IMMP2L: variants seen among roughly 807,000 people sequenced by gnomAD.
IMMP2L encodes the protein inner mitochondrial membrane peptidase subunit 2, also known as mitochondrial inner membrane protease subunit 2.
A neutral mutation model predicts 19.3 loss-of-function variants in IMMP2L; 18 were observed. The ratio of observed to expected loss-of-function variants is 0.93; its 90% CI spans 0.64 to 1.38. The LOEUF (loss-of-function observed/expected upper bound fraction) is 1.38. Ranked by LOEUF, IMMP2L falls within the 40% of genes most tolerant of loss-of-function variation. The pLI is 0.00. For synonymous variants in IMMP2L, 76 were observed against 73.0 expected (o/e 1.04, Z -0.21); for missense variants, 233 against 218.2 (o/e 1.07, Z -0.43).
chr7:110,730,646 T>G (rs1327242664), intron 5 of IMMP2L, among the ~76,000 whole-genome samples: 3 of 151,838 alleles, frequency 2.0e-5, no homozygotes, highest in Admixed American at 1.3e-4. Context: ...TGCTTCAGCC[T>G]CCCCAGCAGC....
intron 3 of IMMP2L, among the ~76,000 whole-genome samples, chr7:111,337,335 A>G (rs960651320): frequency 6.6e-6 from 1 of 152,162 alleles, no homozygotes; most frequent in African/African-American, 2.4e-5. Context: ...AGAATAGCCA[A>G]TAATAGAAAT....
chr7:110,779,899 A>C (rs1396520826), intron 5 of IMMP2L, among the ~76,000 whole-genome samples: 1 of 151,896 alleles, frequency 6.6e-6, no homozygotes, highest in African/African-American at 2.4e-5. Context: ...AAGTTAGTAA[A>C]GGATCTGGAC....
intron 5 of IMMP2L, among the ~76,000 whole-genome samples, chr7:110,844,377 G>C (rs913191167): frequency 6.6e-6 from 1 of 151,986 alleles, no homozygotes; most frequent in Admixed American, 6.6e-5. Flanking sequence ...ATCTTGTAAG[G>C]ACATAAGAGA....
At chr7:111,481,844 G>C (rs140025943) in intron 3 of IMMP2L, among the ~76,000 whole-genome samples, 42 of 152,214 alleles carry the variant, frequency 2.8e-4, no homozygotes, top group Non-Finnish European at 4.6e-4. Context: ...TTATCAAATA[G>C]AAATAAAATG....
At chr7:110,671,424 T>G (rs1791911267) in intron 5 of IMMP2L, among the ~76,000 whole-genome samples, 1 of 152,252 alleles carries the variant, frequency 6.6e-6, no homozygotes, top group South Asian at 2.1e-4. Flanking sequence ...ATATTCCTGC[T>G]TCCCACTTTA....
At chr7:111,327,871 A>G (rs1825481271) in intron 3 of IMMP2L, among the ~76,000 whole-genome samples, 1 of 151,574 alleles carries the variant, frequency 6.6e-6, no homozygotes, top group African/African-American at 2.4e-5. Context: ...ATGTGTCAAA[A>G]GGCTCCTGAT....
chr7:111,058,984 A>G (rs1220700459), intron 3 of IMMP2L, among the ~76,000 whole-genome samples: 1 of 148,848 alleles, frequency 6.7e-6, no homozygotes, highest in African/African-American at 2.5e-5. Flanking sequence ...CTTTTTATTT[A>G]TTTATTTATT....
At chr7:111,468,233 A>G (rs1283866432) in intron 3 of IMMP2L, among the ~76,000 whole-genome samples, 1 of 152,194 alleles carries the variant, frequency 6.6e-6, no homozygotes, top group Non-Finnish European at 1.5e-5. Flanking sequence ...TATAGAAAGC[A>G]TATGTGTAAA....
At chr7:111,293,919 T>C (rs2129763085) in intron 3 of IMMP2L, among the ~76,000 whole-genome samples, 2 of 152,102 alleles carry the variant, frequency 1.3e-5, no homozygotes, top group Middle Eastern at 6.8e-3. Context: ...CCTATTCTGA[T>C]CATGCAATCA....
chr7:111,257,979 T>C (rs186786157), intron 3 of IMMP2L, among the ~76,000 whole-genome samples: 4 of 151,740 alleles, frequency 2.6e-5, no homozygotes, highest in Admixed American at 2.6e-4. Flanking sequence ...CCCCTCCCTG[T>C]GTCTATGTGT....
chr7:111,151,444 G>A (rs1211989971), intron 3 of IMMP2L, among the ~76,000 whole-genome samples: 1 of 152,098 alleles, frequency 6.6e-6, no homozygotes, highest in Non-Finnish European at 1.5e-5. Context: ...TAATGAGAGA[G>A]GGGGAGGAAG....
intron 3 of IMMP2L, among the ~76,000 whole-genome samples, chr7:111,345,378 T>C (rs541762453): frequency 5.9e-5 from 9 of 152,132 alleles, no homozygotes; most frequent in African/African-American, 1.4e-4. Context: ...AAGCAGCTGT[T>C]TGCAATAAGC....
chr7:110,949,925 G>A (rs1219425121), intron 4 of IMMP2L, among the ~76,000 whole-genome samples: 1 of 151,992 alleles, frequency 6.6e-6, no homozygotes, highest in Non-Finnish European at 1.5e-5. Flanking sequence ...TAAGAAACAA[G>A]CACATATACC....
chr7:110,939,349 T>G (rs1239069163), intron 4 of IMMP2L, among the ~76,000 whole-genome samples: 1 of 144,976 alleles, frequency 6.9e-6, no homozygotes, highest in Non-Finnish European at 1.5e-5. Context: ...CTTCCATGTT[T>G]GGCCAGATTT....
At chr7:111,554,814 A>G (rs1037195713) in intron 1 of IMMP2L, among the ~76,000 whole-genome samples, 4 of 151,940 alleles carry the variant, frequency 2.6e-5, no homozygotes, top group African/African-American at 9.7e-5. Flanking sequence ...GGGTTTTGCC[A>G]TATTGGCCAG....
chr7:111,055,315 T>C lies in IMMP2L; in HGVS notation c.240-91750A>G, dbSNP rs372250142. On this transcript the variant is annotated intron_variant, in intron 3 of 5. Coordinates refer to ENST00000405709, the MANE Select transcript of IMMP2L (RefSeq NM_032549.4). ...TGCTCAGCCTCCCAAAGTGCTAAGA[T>C]TATAGGCGTGAGCCACCACGCTCAG... Among the ~76,000 whole-genome samples the C allele has an allele frequency of 3.3e-5, 5 of 152,220 alleles. No individual in the cohort carries two copies. In the South Asian group the frequency reaches 6.2e-4, roughly 19 times the overall value.
intron 3 of IMMP2L, among the ~76,000 whole-genome samples, chr7:111,214,110 A>G (rs1811628657): frequency 6.6e-6 from 1 of 152,050 alleles, no homozygotes; most frequent in South Asian, 2.1e-4. Flanking sequence ...ATAAAACTTC[A>G]TCATCTGTTC....
intron 3 of IMMP2L, among the ~76,000 whole-genome samples, chr7:111,453,464 A>G (rs1331291030): frequency 3.3e-5 from 5 of 152,180 alleles, no homozygotes; most frequent in Non-Finnish European, 7.3e-5. Context: ...TTGTGAAGCT[A>G]TTTAACAAAT....
At chr7:110,767,312 G>A (rs976158566) in intron 5 of IMMP2L, among the ~76,000 whole-genome samples, 3 of 152,076 alleles carry the variant, frequency 2.0e-5, no homozygotes, top group African/African-American at 7.2e-5. Flanking sequence ...TGGGAGAAAC[G>A]ATGTTCCTAA....
Sources: allele counts gnomAD v4.1 joint callset (sites outside exome capture counted in the v4.1 genomes callset), GRCh38; gene constraint gnomAD v4.1.1; transcripts MANE v1.5; gene names NCBI Gene and HGNC (gene_info 2026-07-23, HGNC 2026-07-21).